ENTPD4: variants seen among roughly 807,000 people sequenced by gnomAD.
The protein encoded by ENTPD4 is ectonucleoside triphosphate diphosphohydrolase 4, also known as Golgi UDPase.
A neutral mutation model predicts 79.1 loss-of-function variants in ENTPD4; 60 were observed. That is an observed-to-expected ratio of 0.76 (90% confidence interval 0.62 to 0.94). The LOEUF (loss-of-function observed/expected upper bound fraction) is 0.94. ENTPD4 is among the 40% of genes least tolerant of loss of function. The pLI is 0.00. For missense variants in ENTPD4, 772 were observed against 775.1 expected, an observed-to-expected ratio of 1.00 and a Z score of 0.05; for synonymous variants, 276 against 292.0, an observed-to-expected ratio of 0.95 and a Z score of 0.56.
At position 23,437,270 on chromosome 8, in the gene ENTPD4, C is replaced by A; in HGVS notation, c.1050-12G>T. On this transcript the variant is annotated splice_polypyrimidine_tract_variant and intron_variant, in intron 9 of 12. Coordinates refer to ENST00000358689, the MANE Select transcript of ENTPD4 (RefSeq NM_004901.5). ...GTTTACCCAGGAGCCTATGGCAAAA[C>A]AAGAAACTTCATCGTGAGTCCTACA... 1 of 1,555,112 alleles carries A rather than the reference C, an allele frequency of 6.4e-7. No homozygotes were observed. The highest frequency in any genetic ancestry group is 8.7e-7 in the Non-Finnish European group (1 of 1,152,914).
Position 23,447,682 on chromosome 8 carries a change from G to C in ENTPD4, c.410C>G (p.Pro137Arg), listed in dbSNP as rs760012137. 6 of 1,612,474 alleles carry C rather than the reference G, an allele frequency of 3.7e-6. No individual in the cohort carries two copies. In the Admixed American group the frequency reaches 1.0e-4, roughly 27 times the overall value. ...NRKPVVMKIK[P>R]GISEFATSPE... ...GGCAGATGTTCTCATTTACATACCCGGTTTTATCTTCATGACCACTGGCTT... is the reference window on the plus strand; with the variant it reads ...GGCAGATGTTCTCATTTACATACCCCGTTTTATCTTCATGACCACTGGCTT... The change falls in exon 4 of 13, where the codon CCG becomes CGG. Residue 137 changes from proline (P) to arginine (R), a missense_variant and splice_region_variant. By Grantham distance (103) the Pro-to-Arg change is moderately radical (BLOSUM62 -2). Transcript: ENST00000358689.
At chr8:23,442,615 G>A (rs533115543) in intron 6 of ENTPD4, among the ~76,000 whole-genome samples, 2 of 152,040 alleles carry the variant, frequency 1.3e-5, no homozygotes, top group African/African-American at 4.8e-5. Context: ...CCCGGGAGGT[G>A]GAGGTTGCAG....
chr8:23,434,051 C>T lies in ENTPD4; in HGVS notation c.1622+266G>A, dbSNP rs150665452. 54 of 430,108 alleles carry T rather than the reference C, an allele frequency of 1.3e-4. 1 individual carries two copies. The East Asian group carries it at 1.7e-3, about 14-fold the overall frequency. The allele number at this position is 430,108 out of a possible 1,614,324, so 26.6% of individuals were successfully genotyped here. ...AGAACCCCGGAACTGACCCTTTTGC[C>T]GGGGCTGGGGAACAGACAGTTGAGA... On this transcript the variant is annotated intron_variant, in intron 12 of 12. Coordinates refer to ENST00000358689, the MANE Select transcript of ENTPD4 (RefSeq NM_004901.5).
chr8:23,456,251 A>C (rs780077192), intron 1 of ENTPD4, among the ~76,000 whole-genome samples: 2 of 152,126 alleles, frequency 1.3e-5, no homozygotes, highest in Non-Finnish European at 2.9e-5. Flanking sequence ...TCTCCCACAC[A>C]AGCTGTCTCC....
chr8:23,448,847 A>G lies in ENTPD4; in HGVS notation c.101T>C (p.Ile34Thr). ...PRILNTNLRQ[I>T]MVISVLAAAV... ...AGCAGCCAGGACACTAATGACCATA[A>G]TTTGGCGTAAATTGGTATTCAGAAT... The change falls in exon 3 of 13, where the codon ATT becomes ACT. Residue 34 changes from isoleucine to threonine, a missense_variant. Coordinates refer to ENST00000358689, the MANE Select transcript of ENTPD4 (RefSeq NM_004901.5). 6.2e-7 allele frequency: 1 copy of G among 1,614,126 alleles called. No individual in the cohort carries two copies. Among genetic ancestry groups the G allele is most frequent in the Non-Finnish European group, 8.5e-7 (1 of 1,179,954 alleles).
chr8:23,457,340 G>C (rs1220391207), intron 1 of ENTPD4, among the ~76,000 whole-genome samples: 3 of 150,814 alleles, frequency 2.0e-5, no homozygotes, highest in Non-Finnish European at 4.4e-5. Context: ...CGGCCGCCAG[G>C]GCTCACAGGG....
chr8:23,439,517 G>A (rs375225118), intron 9 of ENTPD4, among the ~76,000 whole-genome samples: 48 of 152,294 alleles, frequency 3.2e-4, no homozygotes, highest in African/African-American at 9.9e-4. Context: ...GTTGAGATGC[G>A]GGTGAGAGAG....
intron 4 of ENTPD4, among the ~76,000 whole-genome samples, chr8:23,447,104 A>C (rs1302304425): frequency 6.6e-6 from 1 of 152,202 alleles, no homozygotes. Flanking sequence ...ATACAGAAAA[A>C]AGAGCATCAC....
At chr8:23,443,392 G>C (rs1428604696) in intron 6 of ENTPD4, among the ~76,000 whole-genome samples, 1 of 151,962 alleles carries the variant, frequency 6.6e-6, no homozygotes, top group Non-Finnish European at 1.5e-5. Flanking sequence ...AATACTTTTT[G>C]GTATACATTT....
intron 9 of ENTPD4, among the ~76,000 whole-genome samples, chr8:23,438,144 G>T (rs1378582062): frequency 1.3e-5 from 2 of 152,196 alleles, no homozygotes; most frequent in Admixed American, 6.5e-5. Flanking sequence ...TCATCCTATT[G>T]TGTGTGCATG....
Position 23,429,871 on chromosome 8 carries a change from G to C in ENTPD4, c.*3055C>G. 10 of 985,478 alleles carry C rather than the reference G, an allele frequency of 1.0e-5. No homozygotes were observed. Among genetic ancestry groups the C allele is most frequent in the Non-Finnish European group, 1.2e-5 (10 of 829,938 alleles). The allele number at this position is 985,478 out of a possible 1,614,324, so 61.0% of individuals were successfully genotyped here. On this transcript the variant is annotated 3_prime_UTR_variant, in exon 13 of 13. Transcript: ENST00000358689. The stretch of plus-strand genomic sequence containing the variant: ...CAGTTCCATGTGTTTCTCTTCTACT[G>C]TAATGTCCCCAGAGGGATTGTGAAA...
At position 23,429,512 on chromosome 8, in the gene ENTPD4, A is replaced by C; in HGVS notation, c.*3414T>G. On this transcript the variant is annotated 3_prime_UTR_variant, in exon 13 of 13. Transcript: ENST00000358689. ...TTGCATTGCACACAACTGACCGCAG[A>C]GAATTCTAAAGCTGATTTTTTTCTT... The C allele has an allele frequency of 1.0e-6, 1 of 985,458 alleles. No homozygotes were observed. The highest frequency in any genetic ancestry group is 1.2e-6 in the Non-Finnish European group (1 of 829,924). The allele number at this position is 985,458 out of a possible 1,614,324, so 61.0% of individuals were successfully genotyped here. A position where few individuals can be genotyped will look rare whatever the true frequency, so the allele number is the denominator to read the frequency against.
Position 23,437,220 on chromosome 8 carries a change from G to A in ENTPD4, c.1088C>T (p.Pro363Leu), listed in dbSNP as rs372875344. ...GKQTGLTPDMPYLDPCLPLDI... is the reference protein window; with the variant it reads ...GKQTGLTPDMLYLDPCLPLDI... ...TAGGGGTAGGCAGGGGTCCAAGTAC[G>A]GCATATCAGGAGTCAGACCAGTCTG... Residue 363 changes from proline to leucine, a missense_variant, in exon 10 of 13, where the codon CCG becomes CTG. Physicochemically the swap from Pro to Leu is moderately conservative, Grantham distance 98. Transcript: ENST00000358689. 2.2e-5 allele frequency: 36 copies of A among 1,613,462 alleles called. No homozygotes were observed. Among genetic ancestry groups the A allele is most frequent in the Middle Eastern group, 1.6e-4 (1 of 6,080 alleles).
In ENTPD4 at chr8:23,429,592, C is replaced by A; in HGVS notation, c.*3334G>T. 1.0e-6 allele frequency: 1 copy of A among 985,236 alleles called. No individual in the cohort carries two copies. Among genetic ancestry groups the A allele is most frequent in the East Asian group, 1.1e-4 (1 of 8,830 alleles). The allele number at this position is 985,236 out of a possible 1,614,324, so 61.0% of individuals were successfully genotyped here. A position where few individuals can be genotyped will look rare whatever the true frequency, so the allele number is the denominator to read the frequency against. ...AGTTTCTTGCTAAGTGATACATGCT[C>A]CTTATAAGGAAAACTACTCTGTGTA... On this transcript the variant is annotated 3_prime_UTR_variant, in exon 13 of 13. Transcript: ENST00000358689.
chr8:23,455,442 C>G (rs1187911923), intron 1 of ENTPD4, among the ~76,000 whole-genome samples: 2 of 152,162 alleles, frequency 1.3e-5, no homozygotes, highest in African/African-American at 4.8e-5. Context: ...GAGTGAGAGG[C>G]TGATGTGGAG....
rs368457143 is a variant in ENTPD4, at chr8:23,451,521, T to C, written c.-97-1524A>G. Reference sequence around the variant, plus strand: ...GCAATGATACTTTCTTGGAAATTGATAGCTCCACACTCCCACCCCTTGCTC... The same window carrying C: ...GCAATGATACTTTCTTGGAAATTGACAGCTCCACACTCCCACCCCTTGCTC... On this transcript the variant is annotated intron_variant, in intron 1 of 12. Coordinates refer to ENST00000358689, the MANE Select transcript of ENTPD4 (RefSeq NM_004901.5). Among the ~76,000 whole-genome samples the C allele has an allele frequency of 4.6e-5, 7 of 152,260 alleles. No homozygotes were observed. The South Asian group carries it at 1.2e-3, about 27-fold the overall frequency.
rs1045857213 is a variant in ENTPD4, at chr8:23,432,165, A to C, written c.*761T>G. The C allele has an allele frequency of 4.1e-6, 4 of 984,090 alleles. No individual in the cohort carries two copies. In the African/African-American group the frequency reaches 7.0e-5, roughly 17 times the overall value. 61.0% of individuals were successfully genotyped at this position (984,090 alleles called of 1,614,324 possible). ...TATACAGTAACAGACCTGAACAATA[A>C]ATAAAAAAAAAAATCACCCTCTTCA... On this transcript the variant is annotated 3_prime_UTR_variant, in exon 13 of 13. Transcript: ENST00000358689.
At chr8:23,434,162 G>A (rs755368131) in intron 12 of ENTPD4, 155 bp downstream of exon 12, 222 of 944,222 alleles carry the variant, frequency 2.4e-4, no homozygotes, top group Admixed American at 3.1e-4. Flanking sequence ...GTGGGGAGGG[G>A]GCAAGACCAA....
At position 23,439,731 on chromosome 8, in the gene ENTPD4, T is replaced by C. The variant is rs780565099; in HGVS notation, c.1049+18A>G. 2.5e-6 allele frequency: 4 copies of C among 1,612,536 alleles called. No individual in the cohort carries two copies. Among genetic ancestry groups the C allele is most frequent in the Admixed American group, 1.7e-5 (1 of 59,944 alleles). On this transcript the variant is annotated intron_variant, in intron 9 of 12. Transcript: ENST00000358689. ...CCTAGGTTTGCAAATGACTGCCAAG[T>C]AGTGAAAGGTGCTTTACCTGTTCTT...
Sources: allele counts gnomAD v4.1 joint callset (sites outside exome capture counted in the v4.1 genomes callset), GRCh38; gene constraint gnomAD v4.1.1; transcripts MANE v1.5; gene names NCBI Gene and HGNC (gene_info 2026-07-23, HGNC 2026-07-21).